Variants in KCTD10 observed in about 807,000 individuals in gnomAD.
KCTD10 encodes potassium channel tetramerization domain containing 10.
Under a neutral mutation model 34.6 loss-of-function variants are expected in KCTD10, and 13 were observed. That is an observed-to-expected ratio of 0.38 (90% CI 0.24 to 0.60). KCTD10 has a LOEUF of 0.60. KCTD10 is among the 20% of genes least tolerant of loss of function. KCTD10 has a pLI of 0.66. For missense variants in KCTD10, 256 were observed against 420.3 expected, an observed-to-expected ratio of 0.61 and a Z score of 3.42; for synonymous variants, 156 against 168.8, an observed-to-expected ratio of 0.92 and a Z score of 0.59.
Position 109,449,079 on chromosome 12 carries a change from T to C in KCTD10, c.*2516A>G, listed in dbSNP as rs983189368. ...TTTGTAAAAAACTGTAGTTATTACA[T>C]TGCAATGAAATCTCTTTACCAAATC... On this transcript the variant is annotated 3_prime_UTR_variant, in exon 7 of 7. Transcript: ENST00000228495. 3 of 152,260 alleles carry C rather than the reference T, an allele frequency of 2.0e-5. No homozygotes were observed. Among genetic ancestry groups the C allele is most frequent in the African/African-American group, 7.2e-5 (3 of 41,466 alleles). The allele number at this position is 152,260 out of a possible 1,614,324, so 9.4% of individuals were successfully genotyped here. A position where few individuals can be genotyped will look rare whatever the true frequency, so the allele number is the denominator to read the frequency against.
At chr12:109,467,118 C>T (rs553977697) in intron 2 of KCTD10, among the ~76,000 whole-genome samples, 1 of 152,236 alleles carries the variant, frequency 6.6e-6, no homozygotes. Flanking sequence ...AAGGATGCCA[C>T]ACTCAAATGA....
At position 109,451,562 on chromosome 12, in the gene KCTD10, G is replaced by A. The variant is rs376895879; in HGVS notation, c.*33C>T. 64 of 1,569,214 alleles carry A rather than the reference G, an allele frequency of 4.1e-5. No homozygotes were observed. The highest frequency in any genetic ancestry group is 9.1e-5 in the East Asian group (4 of 44,174). ...GTGTAGCACGGCAGGGAGTGGGGGC[G>A]GTGAGAGGAGGGCGGCTCGGTCTCT... is the stretch of plus-strand genomic sequence containing the variant. On this transcript the variant is annotated 3_prime_UTR_variant, in exon 7 of 7. Transcript: ENST00000228495. This position sits in a 1 kb window ranked among gnomAD's most constrained non-coding sequence, Gnocchi z 5.0.
At chr12:109,476,950 A>G (rs1874362062) in intron 1 of KCTD10, among the ~76,000 whole-genome samples, 1 of 151,862 alleles carries the variant, frequency 6.6e-6, no homozygotes, top group African/African-American at 2.4e-5. Flanking sequence ...CCCATCTCCA[A>G]CCAGCACTCA....
intron 3 of KCTD10, chr12:109,459,687 G>A (rs903078178): frequency 3.9e-5 from 6 of 152,358 alleles, no homozygotes; most frequent in African/African-American, 1.4e-4. Flanking sequence ...CAGTGCGTGA[G>A]CTAAATTCTA....
chr12:109,455,237 A>G (rs1872957994), intron 6 of KCTD10, among the ~76,000 whole-genome samples: 1 of 152,168 alleles, frequency 6.6e-6, no homozygotes, highest in Admixed American at 6.5e-5. Context: ...TAGGAATAAA[A>G]TATGTTGTCA....
chr12:109,468,591 C>G (rs1159576041), intron 2 of KCTD10, among the ~76,000 whole-genome samples: 2 of 151,126 alleles, frequency 1.3e-5, no homozygotes, highest in Non-Finnish European at 2.9e-5. Context: ...GTCAGGGGCT[C>G]TTTGATCATT....
chr12:109,477,081 T>G (rs1182763121), intron 1 of KCTD10, among the ~76,000 whole-genome samples, 179 bp downstream of exon 1: 3 of 119,664 alleles, frequency 2.5e-5, no homozygotes, highest in Non-Finnish European at 3.5e-5. Flanking sequence ...CCCCTAATTC[T>G]CCACCCAAAG....
rs1288470082 is a variant in KCTD10 at position 109,450,277 on chromosome 12, G to A, written c.*1318C>T. ...GACTCACTCCTGTTCCTTTGCAGGT[G>A]CAGAGGAGCCTGGGAGGTAGGTCAC... On this transcript the variant is annotated 3_prime_UTR_variant, in exon 7 of 7. Transcript: ENST00000228495. 7.5e-6 allele frequency: 3 copies of A among 398,546 alleles called. No individual in the cohort carries two copies. Among genetic ancestry groups the A allele is most frequent in the East Asian group, 7.1e-5 (2 of 28,078 alleles). 24.7% of individuals were successfully genotyped at this position (398,546 alleles called of 1,614,324 possible). A position where few individuals can be genotyped will look rare whatever the true frequency, so the allele number is the denominator to read the frequency against.
At chr12:109,453,084 G>A (rs911074910) in intron 6 of KCTD10, among the ~76,000 whole-genome samples, 20 of 152,038 alleles carry the variant, frequency 1.3e-4, no homozygotes, top group Non-Finnish European at 2.2e-4. Context: ...GTTTTGAGAG[G>A]GAGTGTTGCT....
Position 109,449,240 on chromosome 12 carries a change from T to C in KCTD10, c.*2355A>G, listed in dbSNP as rs1872636671. 1 of 152,248 alleles carries C rather than the reference T, an allele frequency of 6.6e-6. No individual in the cohort carries two copies. Among genetic ancestry groups the C allele is most frequent in the South Asian group, 2.1e-4 (1 of 4,834 alleles). 9.4% of individuals were successfully genotyped at this position (152,248 alleles called of 1,614,324 possible). On this transcript the variant is annotated 3_prime_UTR_variant, in exon 7 of 7. Transcript: ENST00000228495. ...CCAGCCAATGCTGTCTATTCACTCA[T>C]GGCTATAATGCAGCCGACAGAATTG...
At chr12:109,452,828 A>G (rs577271843) in intron 6 of KCTD10, among the ~76,000 whole-genome samples, 16 of 114,898 alleles carry the variant, frequency 1.4e-4, no homozygotes, top group Non-Finnish European at 2.3e-4. Flanking sequence ...GCTGGGAGGA[A>G]ATCCTGGTTT....
chr12:109,470,495 G>GA, intron 1 of KCTD10: 1 of 985,498 alleles, frequency 1.0e-6, no homozygotes, highest in Non-Finnish European at 1.2e-6. Flanking sequence ...CCTGGAAAGT[G>GA]AGATTGGTAT....
chr12:109,459,782 T>C (rs1873219204), intron 3 of KCTD10, among the ~76,000 whole-genome samples: 1 of 152,182 alleles, frequency 6.6e-6, no homozygotes, highest in Non-Finnish European at 1.5e-5. Flanking sequence ...GAAACATAAA[T>C]GTGAACAGAA....
intron 2 of KCTD10, among the ~76,000 whole-genome samples, chr12:109,464,139 T>C (rs577584952): frequency 6.6e-6 from 1 of 152,266 alleles, no homozygotes; most frequent in South Asian, 2.1e-4. Flanking sequence ...TTCACTGACC[T>C]CTCTTTGCCA....
chr12:109,473,843 A>G (rs1874015874), intron 1 of KCTD10, among the ~76,000 whole-genome samples: 1 of 149,068 alleles, frequency 6.7e-6, no homozygotes, highest in Non-Finnish European at 1.5e-5. Flanking sequence ...GTACAACGGC[A>G]CGATCTCAGC....
chr12:109,469,915 A>T, intron 1 of KCTD10, 187 bp from the exon 2 acceptor site: 1 of 1,321,176 alleles, frequency 7.6e-7, no homozygotes, highest in East Asian at 2.6e-5. Flanking sequence ...TTCTCCTAAA[A>T]TCAGAGGCCA....
At chr12:109,469,256 T>C in intron 2 of KCTD10, 1 of 495,784 alleles carries the variant, frequency 2.0e-6, no homozygotes, top group South Asian at 2.4e-5. Context: ...CCAGGGAAGA[T>C]ACCTCTCTCT....
intron 5 of KCTD10, chr12:109,456,628 TGGA>T (rs1873031825): frequency 2.4e-6 from 1 of 412,020 alleles, no homozygotes; most frequent in Middle Eastern, 7.6e-4. Flanking sequence ...AGGCACCAGG[TGGA>T]GGAGAGCACC....
At chr12:109,454,724 C>A (rs2135641546) in intron 6 of KCTD10, among the ~76,000 whole-genome samples, 1 of 152,308 alleles carries the variant, frequency 6.6e-6, no homozygotes, top group South Asian at 2.1e-4. Flanking sequence ...GCAACACTCT[C>A]TCTCAAAACA....
Sources: gnomAD v4.1 joint callset for allele counts (sites outside exome capture counted in the v4.1 genomes callset) on GRCh38, gnomAD v4.1.1 for gene constraint, Gnocchi (gnomAD v3.1) non-coding constraint, MANE v1.5 for transcripts, NCBI Gene and HGNC (gene_info 2026-07-23, HGNC 2026-07-21) for gene names.